The following CSMD1 variants were observed in gnomAD, a reference collection of about 807,000 sequenced individuals.
CSMD1 encodes the protein CUB and sushi domain-containing protein 1.
CSMD1 carries 213 observed loss-of-function variants against 417.5 expected under a neutral mutation model. The ratio of observed to expected loss-of-function variants is 0.51; its 90% CI spans 0.46 to 0.57. The LOEUF is 0.57. Among genes scored for constraint, CSMD1 ranks in the 20% least tolerant of loss-of-function variants. The pLI is 0.00. For synonymous variants in CSMD1, 2,862 were observed against 1,736.8 expected (o/e 1.65, Z -16.11); for missense variants, 6,923 against 4,529.7 (o/e 1.53, Z -15.17).
chr8:3,627,843 C>G (rs917416612), intron 7 of CSMD1, among the ~76,000 whole-genome samples: 1 of 152,140 alleles, frequency 6.6e-6, no homozygotes, highest in Non-Finnish European at 1.5e-5. Context: ...GATTTCAAAG[C>G]CCACATTGTT....
At chr8:4,815,823 C>G (rs1006624999) in intron 1 of CSMD1, among the ~76,000 whole-genome samples, 1 of 151,750 alleles carries the variant, frequency 6.6e-6, no homozygotes, top group African/African-American at 2.4e-5. Flanking sequence ...TAATGAATGC[C>G]TAAATGTTGG....
At chr8:4,072,907 A>C (rs1318686128) in intron 3 of CSMD1, among the ~76,000 whole-genome samples, 2 of 152,188 alleles carry the variant, frequency 1.3e-5, no homozygotes, top group Admixed American at 6.5e-5. Flanking sequence ...TCAAATCAAC[A>C]CAACCTTGGA....
chr8:3,473,830 T>C (rs1048425483), intron 11 of CSMD1, among the ~76,000 whole-genome samples: 1 of 152,100 alleles, frequency 6.6e-6, no homozygotes, highest in African/African-American at 2.4e-5. Flanking sequence ...AGAAAGGAGA[T>C]TTAACTGACT....
intron 1 of CSMD1, among the ~76,000 whole-genome samples, chr8:4,779,308 A>G (rs1452439559): frequency 2.0e-5 from 3 of 152,156 alleles, no homozygotes; most frequent in East Asian, 1.9e-4. Flanking sequence ...TTCACAATAT[A>G]TTTATTTTTA....
intron 1 of CSMD1, among the ~76,000 whole-genome samples, chr8:4,835,553 G>C (rs779750338): frequency 5.9e-5 from 9 of 152,146 alleles, no homozygotes; most frequent in Non-Finnish European, 1.2e-4. Context: ...GGGTGGTTAA[G>C]TTAGCACACA....
At chr8:3,093,925 C>A (rs543354695) in intron 47 of CSMD1, among the ~76,000 whole-genome samples, 2 of 152,028 alleles carry the variant, frequency 1.3e-5, no homozygotes, top group Non-Finnish European at 2.9e-5. Context: ...ATTTCATAAT[C>A]AAAGACAAAG....
In CSMD1 at chr8:3,407,886, T is replaced by C. The variant is rs1334628600; in HGVS notation, c.2071+13A>G. ...TGAGAACTTGGATGTGTTGACTGTG[T>C]GGGCGTACTTACTGGTGTAAGTGAT... On this transcript the variant is annotated intron_variant, in intron 14 of 69. Transcript: ENST00000635120. The C allele has an allele frequency of 2.5e-6, 4 of 1,590,928 alleles. No individual in the cohort carries two copies. The highest frequency in any genetic ancestry group is 3.4e-6 in the Non-Finnish European group (4 of 1,164,836).
chr8:3,873,606 C>T (rs535338092), intron 5 of CSMD1, among the ~76,000 whole-genome samples: 95 of 152,118 alleles, frequency 6.2e-4, no homozygotes, highest in African/African-American at 2.2e-3. Flanking sequence ...AATGGGTACT[C>T]GGCATAATAC....
intron 3 of CSMD1, among the ~76,000 whole-genome samples, chr8:4,314,324 C>A (rs1426844530): frequency 6.6e-6 from 1 of 152,156 alleles, no homozygotes; most frequent in Non-Finnish European, 1.5e-5. Context: ...CATTCACTAG[C>A]CCAACAGCCA....
intron 5 of CSMD1, among the ~76,000 whole-genome samples, chr8:3,870,418 CATTT>C (rs565503079): frequency 1.6e-4 from 24 of 152,190 alleles, no homozygotes; most frequent in African/African-American, 5.5e-4. Context: ...CTCCATGAAA[CATTT>C]ATATGCATAT....
chr8:4,218,941 C>T (rs1230380897), intron 3 of CSMD1, among the ~76,000 whole-genome samples: 1 of 152,142 alleles, frequency 6.6e-6, no homozygotes, highest in Non-Finnish European at 1.5e-5. Context: ...ATTCTCTGAG[C>T]AATGCTATTT....
chr8:4,906,021 A>T (rs1478467413), intron 1 of CSMD1, among the ~76,000 whole-genome samples: 3 of 152,128 alleles, frequency 2.0e-5, no homozygotes, highest in Admixed American at 6.5e-5. Flanking sequence ...CCGATAAATT[A>T]AAATAGAAAG....
intron 3 of CSMD1, among the ~76,000 whole-genome samples, chr8:4,088,079 A>G (rs1180893767): frequency 6.6e-6 from 1 of 152,214 alleles, no homozygotes; most frequent in South Asian, 2.1e-4. Context: ...AACAATGACT[A>G]GAGGAAACCA....
chr8:4,234,372 G>A (rs60168003), intron 3 of CSMD1, among the ~76,000 whole-genome samples: 12,341 of 152,056 alleles, frequency 0.081, 1,180 homozygotes, highest in East Asian at 0.38. Context: ...AGGAGTGGAA[G>A]ATGTGTGGCA....
intron 1 of CSMD1, among the ~76,000 whole-genome samples, chr8:4,882,339 T>G (rs1803460918): frequency 6.6e-6 from 1 of 151,724 alleles, no homozygotes; most frequent in Non-Finnish European, 1.5e-5. Context: ...ACATGTCGCC[T>G]GCTTGGTTTG....
At chr8:4,124,170 G>T (rs1165146722) in intron 3 of CSMD1, among the ~76,000 whole-genome samples, 2 of 152,184 alleles carry the variant, frequency 1.3e-5, no homozygotes, top group Non-Finnish European at 2.9e-5. Flanking sequence ...CGGAGGCGCA[G>T]GGGAGGAAGT....
chr8:3,142,533 T>C lies in CSMD1; in HGVS notation c.6173A>G (p.His2058Arg). Residue 2058 changes from histidine (H) to arginine (R), a missense_variant, in exon 41 of 70, where the codon CAT becomes CGT. Coordinates refer to ENST00000635120, the MANE Select transcript of CSMD1 (RefSeq NM_033225.6). ...ACTATAAAAGTGGATGAGGGTTTCATGCGTTGTGCTCAGCAGGGCCGCGGG... is the reference window on the plus strand; with the variant it reads ...ACTATAAAAGTGGATGAGGGTTTCACGCGTTGTGCTCAGCAGGGCCGCGGG... The part of the protein sequence containing the change: ...DLPAALLSTT[H>R]ETLIHFYSDH... 1 of 1,614,040 alleles carries C rather than the reference T, an allele frequency of 6.2e-7. No individual in the cohort carries two copies. The highest frequency in any genetic ancestry group is 1.3e-5 in the African/African-American group (1 of 75,056).
chr8:4,201,532 T>A (rs1371086205), intron 3 of CSMD1, among the ~76,000 whole-genome samples: 1 of 85,324 alleles, frequency 1.2e-5, no homozygotes, highest in Non-Finnish European at 2.0e-5. Context: ...ATCCAGACTC[T>A]GTCTCCACAA....
intron 7 of CSMD1, among the ~76,000 whole-genome samples, chr8:3,666,082 G>C (rs1393471302): frequency 6.6e-6 from 1 of 152,168 alleles, no homozygotes; most frequent in Non-Finnish European, 1.5e-5. Flanking sequence ...CTGTAGTAGA[G>C]ACAGTGTTTC....
Sources: gnomAD v4.1 joint callset for allele counts (sites outside exome capture counted in the v4.1 genomes callset) on GRCh38, gnomAD v4.1.1 for gene constraint, MANE v1.5 for transcripts, NCBI Gene and HGNC (gene_info 2026-07-23, HGNC 2026-07-21) for gene names.